MRTFB: variants seen among roughly 807,000 people sequenced by gnomAD.
The protein encoded by MRTFB is myocardin-related transcription factor B.
In MRTFB, 29 loss-of-function variants were observed where a neutral mutation model predicts 104.2. That is an observed-to-expected ratio of 0.28 (90% CI 0.21 to 0.38). The LOEUF is 0.38. Ranked by LOEUF, MRTFB falls within the 10% of genes least tolerant of loss-of-function variation. The probability of loss-of-function intolerance (pLI) is 1.00; values close to 1 mark genes in which losing one functional copy is unlikely to be tolerated. For synonymous variants in MRTFB, 535 were observed against 519.5 expected, an observed-to-expected ratio of 1.03 and a Z score of -0.41; for missense variants, 1,270 against 1,341.6, an observed-to-expected ratio of 0.95 and a Z score of 0.83.
the MRTFB span, among the ~76,000 whole-genome samples, chr16:14,013,927 C>T: frequency 6.6e-6 from 1 of 152,210 alleles, no homozygotes; most frequent in Non-Finnish European, 1.5e-5. Context: ...TCCACCCTCG[C>T]ACCTCCCACG....
chr16:14,200,652 G>A (rs971593688), intron 3 of MRTFB: 3 of 1,564,366 alleles, frequency 1.9e-6, no homozygotes, highest in Admixed American at 3.3e-5. Context: ...GATGAAGATG[G>A]AAAGAGCCAC....
At chr16:14,070,329 G>C (rs1390437542), upstream of MRTFB, among the ~76,000 whole-genome samples, 2 of 152,180 alleles carry the variant, frequency 1.3e-5, no homozygotes, top group African/African-American at 2.4e-5. Context: ...ACCTTGATAT[G>C]CCCGCAATAA....
At chr16:14,138,842 A>C (rs1331769332) in intron 2 of MRTFB, among the ~76,000 whole-genome samples, 2 of 152,270 alleles carry the variant, frequency 1.3e-5, no homozygotes, top group Non-Finnish European at 2.9e-5. Flanking sequence ...TCTTGTCAAC[A>C]AATGATGGTA....
At chr16:14,024,871 ATT>A in the MRTFB span, among the ~76,000 whole-genome samples, 1 of 152,184 alleles carries the variant, frequency 6.6e-6, no homozygotes, top group Non-Finnish European at 1.5e-5. Context: ...TATTATCTGA[ATT>A]TTATAGATGA....
intron 3 of MRTFB, among the ~76,000 whole-genome samples, chr16:14,187,390 C>T (rs1351064424): frequency 6.6e-6 from 1 of 152,114 alleles, no homozygotes; most frequent in Non-Finnish European, 1.5e-5. Flanking sequence ...TTAGTGAGAA[C>T]ACTGCTTCTT....
At chr16:14,138,686 T>C (rs2037845668) in intron 2 of MRTFB, among the ~76,000 whole-genome samples, 1 of 152,192 alleles carries the variant, frequency 6.6e-6, no homozygotes, top group South Asian at 2.1e-4. Context: ...AGCCAGAGAC[T>C]TGGAGCACAG....
chr16:14,044,071 G>T, the MRTFB span, among the ~76,000 whole-genome samples: 1 of 152,126 alleles, frequency 6.6e-6, no homozygotes, highest in African/African-American at 2.4e-5. Flanking sequence ...ACCAAAACAC[G>T]CTGGAGCCTC....
the MRTFB span, among the ~76,000 whole-genome samples, chr16:14,013,814 C>T: frequency 6.6e-6 from 1 of 152,182 alleles, no homozygotes; most frequent in African/African-American, 2.4e-5. Flanking sequence ...CACTTTCCCA[C>T]TGCTTAAGAA....
At chr16:14,246,124 G>T (rs1252533521) in intron 11 of MRTFB, among the ~76,000 whole-genome samples, 1 of 152,182 alleles carries the variant, frequency 6.6e-6, no homozygotes, top group Non-Finnish European at 1.5e-5. Flanking sequence ...TCATGGGGTC[G>T]TGTGAAGATG....
upstream of MRTFB, among the ~76,000 whole-genome samples, chr16:14,069,502 T>C (rs1367612780): frequency 6.6e-6 from 1 of 152,202 alleles, no homozygotes; most frequent in Non-Finnish European, 1.5e-5. Context: ...TTTTCTTTTT[T>C]AGAGACAGGG....
chr16:14,244,280 A>G (rs774812191), intron 10 of MRTFB, among the ~76,000 whole-genome samples: 81 of 152,242 alleles, frequency 5.3e-4, no homozygotes, highest in Non-Finnish European at 1.0e-3. Context: ...TAATTTAGCC[A>G]TCCAGCTTAC....
In MRTFB at chr16:14,247,083, GGCA is replaced by G; in HGVS notation, c.1832_1834del (p.Gln611del). 6.2e-7 allele frequency: 1 copy of G among 1,614,196 alleles called. No individual in the cohort carries two copies. The highest frequency in any genetic ancestry group is 8.5e-7 in the Non-Finnish European group (1 of 1,180,048). On this transcript the variant is annotated inframe_deletion, in exon 12 of 17. Transcript: ENST00000571589. ...ATGCAACTTGAGGTTGAAAAACGAG[GGCA>G]GCAGCAGCGGCCCCTGGAAGCCCAG...
At chr16:14,055,699 T>C in the MRTFB span, among the ~76,000 whole-genome samples, 112 of 152,314 alleles carry the variant, frequency 7.4e-4, 1 homozygote, top group African/African-American at 2.6e-3. Context: ...ATGTCTATCA[T>C]ATCAACATAT....
the MRTFB span, among the ~76,000 whole-genome samples, chr16:14,028,223 A>AACAAAACAAAACAAAACAAAACAAAT: frequency 6.6e-6 from 1 of 151,898 alleles, no homozygotes; most frequent in Admixed American, 6.6e-5. Context: ...ACAAAACAAA[A>AACAAAACAAAACAAAACAAAACAAAT]CAAACCAAGT....
chr16:14,252,225 G>C (rs892667803), intron 14 of MRTFB, 140 bp from the exon 15 acceptor site: 1 of 1,348,228 alleles, frequency 7.4e-7, no homozygotes, highest in African/African-American at 1.5e-5. Flanking sequence ...AGTGCTGTCA[G>C]CCTCACAGGT....
At chr16:14,067,187 CTCAAATCATGATG>C (rs2033533867), upstream of MRTFB, among the ~76,000 whole-genome samples, 1 of 150,960 alleles carries the variant, frequency 6.6e-6, no homozygotes, top group Non-Finnish European at 1.5e-5. Flanking sequence ...AAAACGTTCC[CTCAAATCATGATG>C]TCACTTTGGT....
chr16:14,127,938 T>A (rs200944116), intron 2 of MRTFB, among the ~76,000 whole-genome samples: 22 of 90,196 alleles, frequency 2.4e-4, no homozygotes, highest in Admixed American at 1.3e-3. Context: ...TATTTTTTTT[T>A]TTTTTTTTTT....
intron 8 of MRTFB, among the ~76,000 whole-genome samples, chr16:14,231,838 T>C (rs16963577): frequency 0.14 from 20,968 of 152,182 alleles, 3,417 homozygotes; most frequent in African/African-American, 0.39. Context: ...TTGTTGTGTT[T>C]TGGTCCTTTC....
At chr16:14,212,523 G>T in intron 5 of MRTFB, 114 bp downstream of exon 5, 1 of 949,750 alleles carries the variant, frequency 1.1e-6, no homozygotes, top group Non-Finnish European at 1.6e-6. Flanking sequence ...AGAAAAAATA[G>T]TGTATTTTCA....
Sources: allele counts gnomAD v4.1 joint callset (sites outside exome capture counted in the v4.1 genomes callset), GRCh38; gene constraint gnomAD v4.1.1; transcripts MANE v1.5; gene names NCBI Gene and HGNC (gene_info 2026-07-23, HGNC 2026-07-21).